The following LPIN1 variants were observed in gnomAD, a reference collection of about 807,000 sequenced individuals.
LPIN1 encodes lipin 1, also known as phosphatidate phosphatase LPIN1.
Under a neutral mutation model 107.5 loss-of-function variants are expected in LPIN1, and 71 were observed. The observed-to-expected ratio is 0.66, with a 90% CI of 0.55 to 0.80. The LOEUF (loss-of-function observed/expected upper bound fraction) is 0.80. LPIN1 is among the 30% of genes least tolerant of loss of function. The pLI, the probability that LPIN1 is intolerant of heterozygous loss-of-function variation, is 0.00. For synonymous variants in LPIN1, 445 were observed against 452.6 expected (o/e 0.98, Z 0.21); for missense variants, 1,043 against 1,160.6 (o/e 0.90, Z 1.47).
At chr2:11,693,786 GTGTATATATATATATATATATATA>G (rs58454451) in intron 1 of LPIN1, among the ~76,000 whole-genome samples, 6 of 44,036 alleles carry the variant, frequency 1.4e-4, no homozygotes, top group African/African-American at 5.1e-4. Context: ...GTGTGTGAGT[GTGTATATATATATATATATATATA>G]TATATATATA....
At chr2:11,812,137 A>G (rs946483416) in intron 17 of LPIN1, among the ~76,000 whole-genome samples, 1 of 152,264 alleles carries the variant, frequency 6.6e-6, no homozygotes, top group Non-Finnish European at 1.5e-5. Flanking sequence ...TTTTCGAAAC[A>G]AATCCATTGG....
intron 1 of LPIN1, among the ~76,000 whole-genome samples, chr2:11,759,623 C>T (rs1189841645): frequency 1.3e-5 from 2 of 152,220 alleles, no homozygotes; most frequent in Admixed American, 6.5e-5. Context: ...TCTATCTTTT[C>T]CCCACATTTC....
At position 11,825,679 on chromosome 2, in the gene LPIN1, C is replaced by G. The variant is rs1203618959; in HGVS notation, c.*888C>G. 1 of 152,538 alleles carries G rather than the reference C, an allele frequency of 6.6e-6. No homozygotes were observed. The highest frequency in any genetic ancestry group is 1.5e-5 in the Non-Finnish European group (1 of 68,034). The allele number at this position is 152,538 out of a possible 1,614,324, so 9.4% of individuals were successfully genotyped here. On this transcript the variant is annotated 3_prime_UTR_variant, in exon 21 of 21. Coordinates refer to ENST00000674199, the MANE Select transcript of LPIN1 (RefSeq NM_001349206.2). This position sits in a 1 kb window ranked among gnomAD's most constrained non-coding sequence, Gnocchi z 4.1. ...GGTGCTGACAGTGTGGACTTGAGCA[C>G]ACTTATGCCAAATGATAATGATACT...
chr2:11,679,205 G>C (rs2148496958), intron 1 of LPIN1, among the ~76,000 whole-genome samples: 1 of 152,290 alleles, frequency 6.6e-6, no homozygotes, highest in South Asian at 2.1e-4. Context: ...TTTGACAGCT[G>C]AGAAAACTGA....
At chr2:11,702,631 G>T (rs1158702356) in intron 1 of LPIN1, among the ~76,000 whole-genome samples, 1 of 152,176 alleles carries the variant, frequency 6.6e-6, no homozygotes, top group African/African-American at 2.4e-5. Flanking sequence ...ATGCCCAGGA[G>T]GCTTTTTGCA....
intron 1 of LPIN1, among the ~76,000 whole-genome samples, chr2:11,739,804 T>A (rs1666152065): frequency 6.6e-6 from 1 of 152,132 alleles, no homozygotes; most frequent in Non-Finnish European, 1.5e-5. Context: ...GATCCAGAAA[T>A]GACATTCATG....
chr2:11,702,369 C>T (rs1450871803), intron 1 of LPIN1, among the ~76,000 whole-genome samples: 1 of 152,106 alleles, frequency 6.6e-6, no homozygotes, highest in Admixed American at 6.5e-5. Context: ...GATAGTGGCC[C>T]AGAGGGTGAC....
intron 1 of LPIN1, among the ~76,000 whole-genome samples, chr2:11,708,533 G>A (rs1365320935): frequency 6.6e-6 from 1 of 152,164 alleles, no homozygotes; most frequent in South Asian, 2.1e-4. Context: ...GGCCATGCAT[G>A]CCAGACCTGG....
chr2:11,822,303 T>TC (rs1286054860), intron 20 of LPIN1, among the ~76,000 whole-genome samples: 6 of 137,458 alleles, frequency 4.4e-5, no homozygotes, highest in African/African-American at 1.7e-4. Flanking sequence ...AAAAAAAAAT[T>TC]AGCCAGGCAT....
In LPIN1 at chr2:11,765,457, TGAG is replaced by T. The variant is rs990880031; in HGVS notation, c.-9-72_-9-70del. 8 of 1,367,376 alleles carry T rather than the reference TGAG, an allele frequency of 5.9e-6. No individual in the cohort carries two copies. Among genetic ancestry groups the T allele is most frequent in the African/African-American group, 5.7e-5 (4 of 69,710 alleles). The allele number at this position is 1,367,376 out of a possible 1,614,324, so 84.7% of individuals were successfully genotyped here. On this transcript the variant is annotated intron_variant, in intron 1 of 20. Transcript: ENST00000674199. The surrounding 1 kb of genome is among the most constrained non-coding windows in gnomAD (Gnocchi z 4.4). ...TGTGTAATCCACGTTTTTGAAATGGTGAGGAGTTCATTTTGATTGGCTCTTCCT... is the reference window on the plus strand; with the variant it reads ...TGTGTAATCCACGTTTTTGAAATGGTGAGTTCATTTTGATTGGCTCTTCCT...
At position 11,791,894 on chromosome 2, in the gene LPIN1, T is replaced by C. The variant is rs754513946; in HGVS notation, c.1714-20T>C. ...ATCTTTTTTTGTTCCATTATTTATG[T>C]TACCATCCATTTAAAACAGGCCACT... On this transcript the variant is annotated intron_variant, in intron 12 of 20. Coordinates refer to ENST00000674199, the MANE Select transcript of LPIN1 (RefSeq NM_001349206.2). 1 of 1,612,440 alleles carries C rather than the reference T, an allele frequency of 6.2e-7. No individual in the cohort carries two copies. Among genetic ancestry groups the C allele is most frequent in the African/African-American group, 1.3e-5 (1 of 75,002 alleles).
chr2:11,776,318 A>C, intron 6 of LPIN1, 125 bp downstream of exon 6: 1 of 523,934 alleles, frequency 1.9e-6, no homozygotes, highest in South Asian at 4.4e-5. Flanking sequence ...GATTATATGA[A>C]GTGAAAATTT....
intron 1 of LPIN1, among the ~76,000 whole-genome samples, chr2:11,702,920 C>CAACT (rs5829324): frequency 0.4 from 60,966 of 151,660 alleles, 12,479 homozygotes; most frequent in East Asian, 0.47. Flanking sequence ...GAATATCTCG[C>CAACT]ACCTTATCTT....
intron 17 of LPIN1, 112 bp downstream of exon 17, chr2:11,805,268 A>G: frequency 2.3e-6 from 2 of 860,874 alleles, no homozygotes; most frequent in Admixed American, 1.9e-5. Flanking sequence ...AGAGGGCTGC[A>G]CCTCAACCAG....
intron 11 of LPIN1, 94 bp downstream of exon 11, chr2:11,787,261 A>G (rs1182930516): frequency 1.1e-6 from 1 of 899,448 alleles, no homozygotes; most frequent in Non-Finnish European, 1.8e-6. Context: ...TTAGAAATAT[A>G]TAAAATAAAG....
At chr2:11,816,668 G>A (rs999398924) in intron 18 of LPIN1, 2 of 152,050 alleles carry the variant, frequency 1.3e-5, no homozygotes, top group South Asian at 2.1e-4. Flanking sequence ...AGCCAGAGCC[G>A]TTCCATGTGC....
intron 3 of LPIN1, among the ~76,000 whole-genome samples, chr2:11,768,863 G>T (rs1214363246): frequency 6.6e-6 from 1 of 152,150 alleles, no homozygotes; most frequent in African/African-American, 2.4e-5. Context: ...GTGAACCCGG[G>T]AGGCGGAGCT....
At chr2:11,785,225 C>A in intron 10 of LPIN1, 149 bp downstream of exon 10, 1 of 651,684 alleles carries the variant, frequency 1.5e-6, no homozygotes, top group South Asian at 2.2e-5. Flanking sequence ...CTCATAATCC[C>A]GATGTTTCTG....
chr2:11,770,418 T>C (rs1239349985), intron 3 of LPIN1, among the ~76,000 whole-genome samples: 1 of 152,130 alleles, frequency 6.6e-6, no homozygotes, highest in African/African-American at 2.4e-5. Context: ...GGCTGCCCAT[T>C]CCCTTCCAGC....
Sources: allele counts gnomAD v4.1 joint callset (sites outside exome capture counted in the v4.1 genomes callset), GRCh38; gene constraint gnomAD v4.1.1; non-coding constraint Gnocchi (gnomAD v3.1); transcripts MANE v1.5; gene names NCBI Gene and HGNC (gene_info 2026-07-23, HGNC 2026-07-21).